The following MACROD1 variants were observed in gnomAD, a reference collection of about 807,000 sequenced individuals.
The protein encoded by MACROD1 is mono-ADP ribosylhydrolase 1.
In MACROD1, 31 loss-of-function variants were observed where a neutral mutation model predicts 41.4. The ratio of observed to expected loss-of-function variants is 0.75; its 90% confidence interval spans 0.56 to 1.01. The LOEUF is 1.01. Among genes scored for constraint, MACROD1 ranks in the 50% least tolerant of loss-of-function variants. MACROD1 has a pLI of 0.00. For synonymous variants in MACROD1, 252 were observed against 203.4 expected (o/e 1.24, Z -2.03); for missense variants, 473 against 460.0 (o/e 1.03, Z -0.26).
At chr11:64,039,188 T>C (rs1247561956) in intron 3 of MACROD1, among the ~76,000 whole-genome samples, 1 of 151,898 alleles carries the variant, frequency 6.6e-6, no homozygotes, top group Non-Finnish European at 1.5e-5. Flanking sequence ...AGGCCCCTTA[T>C]AGGATGGGGT....
chr11:64,024,909 C>T (rs779141652), intron 3 of MACROD1, among the ~76,000 whole-genome samples: 4 of 152,188 alleles, frequency 2.6e-5, no homozygotes, highest in Non-Finnish European at 4.4e-5. Context: ...CCCCAGAAAG[C>T]CCCTTGCCTC....
At chr11:64,148,763 T>C (rs1945532589) in intron 3 of MACROD1, 1 of 985,674 alleles carries the variant, frequency 1.0e-6, no homozygotes, top group Non-Finnish European at 1.2e-6. Flanking sequence ...CAACGACTTT[T>C]ATTCCACTAA....
intron 3 of MACROD1, among the ~76,000 whole-genome samples, chr11:64,040,409 G>A (rs377504445): frequency 6.6e-6 from 1 of 152,316 alleles, no homozygotes; most frequent in Middle Eastern, 3.4e-3. Context: ...GGAGGGCAGA[G>A]GGGCTCAAGG....
Position 64,000,281 on chromosome 11 carries a change from T to G in MACROD1, c.610A>C (p.Ser204Arg), listed in dbSNP as rs774414040. The part of the protein sequence containing the change: ...LLTDECRTLQ[S>R]CKTGKAKITG... ...ATCTTGGCCTTGCCAGTCTTACAGC[T>G]CTGCAGGGTCCGGCACTCGTCGGTA... Residue 204 changes from serine to arginine, a missense_variant, in exon 5 of 11, where the codon AGC becomes CGC. Transcript: ENST00000255681. 2 of 1,603,758 alleles carry G rather than the reference T, an allele frequency of 1.2e-6. No homozygotes were observed. The highest frequency in any genetic ancestry group is 2.2e-5 in the South Asian group (2 of 89,322).
chr11:64,017,584 C>T (rs796764736), intron 3 of MACROD1, among the ~76,000 whole-genome samples: 84 of 152,206 alleles, frequency 5.5e-4, no homozygotes, highest in African/African-American at 1.9e-3. Flanking sequence ...CAGAGTACCC[C>T]GCAAGCCCCA....
chr11:64,013,139 T>G (rs1209254825), intron 4 of MACROD1, among the ~76,000 whole-genome samples: 1 of 151,882 alleles, frequency 6.6e-6, no homozygotes, highest in Admixed American at 6.6e-5. Context: ...TGAGCACTTA[T>G]TATAAGTGCC....
intron 1 of MACROD1, among the ~76,000 whole-genome samples, chr11:64,160,898 A>T (rs997412930): frequency 2.0e-5 from 3 of 151,708 alleles, no homozygotes; most frequent in African/African-American, 7.3e-5. Flanking sequence ...GGGGGCCGGG[A>T]TGGTGGCTCA....
intron 3 of MACROD1, among the ~76,000 whole-genome samples, chr11:64,032,933 A>G (rs1159088933): frequency 6.6e-6 from 1 of 151,414 alleles, no homozygotes; most frequent in Non-Finnish European, 1.5e-5. Context: ...ATCTTCCACT[A>G]TCCGCCCCCC....
intron 1 of MACROD1, among the ~76,000 whole-genome samples, chr11:64,164,543 C>T (rs1159466021): frequency 1.3e-5 from 2 of 152,256 alleles, no homozygotes; most frequent in Admixed American, 1.3e-4. Context: ...GGGCAAGGGC[C>T]AAGTGCCTGA....
chr11:64,125,702 G>A (rs905532907), intron 3 of MACROD1, among the ~76,000 whole-genome samples: 1 of 152,198 alleles, frequency 6.6e-6, no homozygotes, highest in African/African-American at 2.4e-5. Context: ...TGAGAGATCC[G>A]GTGGCTGCCC....
chr11:64,017,531 C>A (rs1360860629), intron 3 of MACROD1, among the ~76,000 whole-genome samples: 3 of 152,120 alleles, frequency 2.0e-5, no homozygotes, highest in Admixed American at 1.3e-4. Context: ...AGAGGGACTG[C>A]CTTTCCCTGG....
At chr11:64,069,782 G>A (rs1369476503) in intron 3 of MACROD1, among the ~76,000 whole-genome samples, 1 of 152,218 alleles carries the variant, frequency 6.6e-6, no homozygotes, top group Non-Finnish European at 1.5e-5. Context: ...TCCGCACGCT[G>A]CCGGCCACTG....
intron 1 of MACROD1, among the ~76,000 whole-genome samples, chr11:64,152,958 C>G (rs1339442330): frequency 6.6e-6 from 1 of 152,162 alleles, no homozygotes; most frequent in African/African-American, 2.4e-5. Flanking sequence ...CTGAGGGCTC[C>G]CAGCATGACC....
At position 64,031,636 on chromosome 11, in the gene MACROD1, G is replaced by A. The variant is rs555367772; in HGVS notation, c.518-16355C>T. ...TGGGATTACAGGCATCCGCCACCAT[G>A]CCAGCTAATTTTTGTATTTTTAGTA... On this transcript the variant is annotated intron_variant, in intron 3 of 10. Coordinates refer to ENST00000255681, the MANE Select transcript of MACROD1 (RefSeq NM_014067.4). 2.8e-3 allele frequency among the ~76,000 whole-genome samples: 430 copies of A among 152,214 alleles called. 2 individuals carry two copies. Among genetic ancestry groups the A allele is most frequent in the Admixed American group, 5.8e-3 (89 of 15,288 alleles).
chr11:64,093,484 TATGG>T (rs1944525952), intron 3 of MACROD1, among the ~76,000 whole-genome samples: 1 of 152,232 alleles, frequency 6.6e-6, no homozygotes, highest in Non-Finnish European at 1.5e-5. Flanking sequence ...GTAGACTAGG[TATGG>T]ATGCCCCTGG....
At chr11:64,010,383 TG>T (rs1291629329) in intron 4 of MACROD1, among the ~76,000 whole-genome samples, 1 of 147,206 alleles carries the variant, frequency 6.8e-6, no homozygotes, top group Non-Finnish European at 1.5e-5. Context: ...GGATGTTGGC[TG>T]GGGTGTTGAC....
intron 3 of MACROD1, among the ~76,000 whole-genome samples, chr11:64,038,991 C>A (rs1943434411): frequency 1.3e-5 from 2 of 152,096 alleles, no homozygotes; most frequent in South Asian, 4.1e-4. Flanking sequence ...CAATGTGGGG[C>A]CCTTGCCTAG....
Position 64,084,711 on chromosome 11 carries a change from CCG to C in MACROD1, c.517+66526_517+66527del, listed in dbSNP as rs1367125436. Among the ~76,000 whole-genome samples, 4 of 152,214 alleles carry C rather than the reference CCG, an allele frequency of 2.6e-5. No individual in the cohort carries two copies. The East Asian group carries it at 7.7e-4, about 29-fold the overall frequency. On this transcript the variant is annotated intron_variant, in intron 3 of 10. Transcript: ENST00000255681. Reference sequence around the variant, plus strand: ...GGAGGGAGCAGGGCTGTCCACGTGCCCGTGCTGCTTCGGCTCAGCCCTAGGCC... The same window carrying C: ...GGAGGGAGCAGGGCTGTCCACGTGCCTGCTGCTTCGGCTCAGCCCTAGGCC...
intron 1 of MACROD1, among the ~76,000 whole-genome samples, chr11:64,157,259 A>G (rs1052864383): frequency 7.2e-5 from 11 of 151,860 alleles, no homozygotes; most frequent in Non-Finnish European, 1.5e-4. Flanking sequence ...CACCCAGCTA[A>G]TTTTTTGTAT....
Sources: gnomAD v4.1 joint callset for allele counts (sites outside exome capture counted in the v4.1 genomes callset) on GRCh38, gnomAD v4.1.1 for gene constraint, MANE v1.5 for transcripts, NCBI Gene and HGNC (gene_info 2026-07-23, HGNC 2026-07-21) for gene names.